Variants in P2RY8 observed in about 807,000 individuals in gnomAD.
The protein encoded by P2RY8 is P2Y receptor family member 8, also known as S-geranylgeranyl-glutathione receptor P2RY8.
A neutral mutation model predicts 10.0 loss-of-function variants in P2RY8; 6 were observed. The ratio of observed to expected loss-of-function variants is 0.60; its 90% CI spans 0.33 to 1.19. The LOEUF (loss-of-function observed/expected upper bound fraction) is 1.19. Among genes scored for constraint, P2RY8 ranks in the 50% most tolerant of loss-of-function variants. P2RY8 has a pLI of 0.04. For missense variants in P2RY8, 456 were observed against 542.0 expected (o/e 0.84, Z 1.58); for synonymous variants, 276 against 252.5 (o/e 1.09, Z -0.88).
intron 1 of P2RY8, 72 bp from the exon 2 acceptor site, chrX:1,466,654 G>C: frequency 7.0e-7 from 1 of 1,425,064 alleles, no homozygotes; most frequent in Middle Eastern, 2.6e-4. Context: ...GAGGGCTCCT[G>C]AGCGCCGCTC....
chrX:1,524,708 C>T (rs868087995), intron 1 of P2RY8, among the ~76,000 whole-genome samples: 128 of 21,542 alleles, frequency 5.9e-3, no homozygotes, highest in South Asian at 0.01. Flanking sequence ...CATCCATCCA[C>T]TCATCCATTC....
chrX:1,487,276 C>T (rs1269488520), intron 1 of P2RY8, among the ~76,000 whole-genome samples: 1 of 152,212 alleles, frequency 6.6e-6, no homozygotes, highest in African/African-American at 2.4e-5. Context: ...TCCTAGCTGC[C>T]TGGAGATGAC....
chrX:1,466,648 G>T, intron 1 of P2RY8, 66 bp from the exon 2 acceptor site: 1 of 1,451,092 alleles, frequency 6.9e-7, no homozygotes, highest in Non-Finnish European at 9.2e-7. Context: ...TGCCGGGAGG[G>T]CTCCTGAGCG....
At chrX:1,471,818 C>A (rs781605471) in intron 1 of P2RY8, among the ~76,000 whole-genome samples, 17 of 152,200 alleles carry the variant, frequency 1.1e-4, no homozygotes, top group African/African-American at 4.1e-4. Flanking sequence ...TTTTTGCCAG[C>A]TATTGTCTTC....
intron 1 of P2RY8, among the ~76,000 whole-genome samples, chrX:1,503,754 G>T (rs1307943795): frequency 3.9e-5 from 6 of 152,196 alleles, no homozygotes; most frequent in African/African-American, 1.2e-4. Flanking sequence ...AATTAGCTGG[G>T]CATGGTGGCA....
intron 1 of P2RY8, among the ~76,000 whole-genome samples, chrX:1,493,352 AG>A: frequency 2.0e-5 from 1 of 49,934 alleles, no homozygotes; most frequent in African/African-American, 8.4e-5. Flanking sequence ...AGGGGAGGGG[AG>A]GGGAGGGGAG....
intron 1 of P2RY8, among the ~76,000 whole-genome samples, chrX:1,470,595 C>A: frequency 6.6e-6 from 1 of 152,054 alleles, no homozygotes; most frequent in East Asian, 1.9e-4. Flanking sequence ...CTGTGAACCT[C>A]AAATCTGCTT....
chrX:1,478,875 G>A (rs1317162936), intron 1 of P2RY8, among the ~76,000 whole-genome samples: 1 of 151,984 alleles, frequency 6.6e-6, no homozygotes, highest in Non-Finnish European at 1.5e-5. Context: ...GAATATACCA[G>A]AAGCCTCCTG....
intron 1 of P2RY8, among the ~76,000 whole-genome samples, chrX:1,517,702 C>T (rs2092361073): frequency 6.6e-6 from 1 of 152,130 alleles, no homozygotes; most frequent in Non-Finnish European, 1.5e-5. Context: ...CATGCTCAGA[C>T]CCAAGCGAGG....
intron 1 of P2RY8, among the ~76,000 whole-genome samples, chrX:1,505,330 G>A (rs781391942): frequency 5.3e-5 from 8 of 152,228 alleles, no homozygotes; most frequent in African/African-American, 1.9e-4. Context: ...AGAGGGCCTC[G>A]TCACCGGCCT....
At position 1,524,501 on chromosome X, in the gene P2RY8, GCATCCATC is replaced by G. The variant is rs769194804; in HGVS notation, c.-25+12412_-25+12419del. Among the ~76,000 whole-genome samples the G allele has an allele frequency of 1.3e-4, 5 of 39,888 alleles. 1 individual carries two copies. In the Admixed American group the frequency reaches 1.3e-3, roughly 11 times the overall value. 26.2% of individuals were successfully genotyped at this position (39,888 alleles called of 152,430 possible). On this transcript the variant is annotated intron_variant, in intron 1 of 1. Transcript: ENST00000381297. ...TCCACTCATCCATCCATACATCCAC[GCATCCATC>G]CATCCATCCATCCATCCATTCATCC...
chrX:1,503,675 ATC>A (rs1162875985), intron 1 of P2RY8, among the ~76,000 whole-genome samples: 1 of 150,734 alleles, frequency 6.6e-6, no homozygotes, highest in East Asian at 2.0e-4. Context: ...CGGGTGGATC[ATC>A]TGAGGTCAGG....
At chrX:1,492,018 A>G (rs1179633059) in intron 1 of P2RY8, among the ~76,000 whole-genome samples, 1 of 152,178 alleles carries the variant, frequency 6.6e-6, no homozygotes, top group African/African-American at 2.4e-5. Flanking sequence ...CCAGCTTGCT[A>G]CTGGCCCTGA....
intron 1 of P2RY8, among the ~76,000 whole-genome samples, chrX:1,468,299 G>A (rs1379541278): frequency 6.6e-6 from 1 of 152,200 alleles, no homozygotes; most frequent in Non-Finnish European, 1.5e-5. Context: ...TAAACACCAC[G>A]TGCTGTTGAA....
intron 1 of P2RY8, among the ~76,000 whole-genome samples, chrX:1,469,318 C>G (rs1603454017): frequency 6.6e-6 from 1 of 150,894 alleles, no homozygotes; most frequent in Non-Finnish European, 1.5e-5. Context: ...CATGCACCAC[C>G]ACGCCTGGCT....
At chrX:1,478,206 G>A (rs1457087698) in intron 1 of P2RY8, among the ~76,000 whole-genome samples, 17 of 149,666 alleles carry the variant, frequency 1.1e-4, no homozygotes, top group Admixed American at 6.7e-4. Context: ...TCTGTATGAT[G>A]GACACCAATG....
intron 1 of P2RY8, among the ~76,000 whole-genome samples, chrX:1,480,556 G>T (rs753426760): frequency 6.6e-6 from 1 of 152,134 alleles, no homozygotes; most frequent in East Asian, 1.9e-4. Flanking sequence ...ATCATTCTGA[G>T]AAACTAACAG....
At position 1,489,473 on chromosome X, in the gene P2RY8, A is replaced by AGAAT. The variant is rs781547155; in HGVS notation, c.-24-22895_-24-22892dup. 9.0e-4 allele frequency among the ~76,000 whole-genome samples: 137 copies of AGAAT among 151,954 alleles called. 1 individual carries two copies. The highest frequency in any genetic ancestry group is 2.9e-3 in the African/African-American group (118 of 41,398). On this transcript the variant is annotated intron_variant, in intron 1 of 1. Transcript: ENST00000381297. ...GAGATTTACTCCTGCAACAGTGGAG[A>AGAAT]GAATGAATGAATGAATGACACCTAA...
chrX:1,514,899 C>T (rs186751144), intron 1 of P2RY8, among the ~76,000 whole-genome samples: 3 of 53,574 alleles, frequency 5.6e-5, no homozygotes, highest in African/African-American at 1.6e-4. Context: ...CTCCCCTTCC[C>T]CTCCCCTCCC....
Sources: allele counts gnomAD v4.1 joint callset (sites outside exome capture counted in the v4.1 genomes callset), GRCh38; gene constraint gnomAD v4.1.1; transcripts MANE v1.5; gene names NCBI Gene and HGNC (gene_info 2026-07-23, HGNC 2026-07-21).